Variants in SEC23IP observed in about 807,000 individuals in gnomAD.
SEC23IP encodes SEC23 interacting protein.
A neutral mutation model predicts 113.4 loss-of-function variants in SEC23IP; 70 were observed. The observed-to-expected ratio is 0.62, with a 90% CI of 0.51 to 0.75. The LOEUF (loss-of-function observed/expected upper bound fraction) is 0.75. Ranked by LOEUF, SEC23IP falls within the 30% of genes least tolerant of loss-of-function variation. The pLI is 0.00. For missense variants in SEC23IP, 1,160 were observed against 1,204.9 expected (o/e 0.96, Z 0.55); for synonymous variants, 398 against 421.0 (o/e 0.95, Z 0.67).
At chr10:119,920,297 C>G (rs534241186) in intron 11 of SEC23IP, among the ~76,000 whole-genome samples, 76 of 152,304 alleles carry the variant, frequency 5.0e-4, no homozygotes, top group African/African-American at 1.8e-3. Flanking sequence ...TACAAGGATA[C>G]TCACAGCAGT....
rs973256253 is a variant in SEC23IP at position 119,917,654 on chromosome 10, C to T, written c.1545-182C>T. ...TCAGCCTCCCAAAGTGCTGGGATTA[C>T]AGGTGTGAGCCACCGCATCTGGCCT... On this transcript the variant is annotated intron_variant, in intron 8 of 18. Transcript: ENST00000369075. 2.0e-5 allele frequency among the ~76,000 whole-genome samples: 3 copies of T among 152,198 alleles called. No individual in the cohort carries two copies. In the East Asian group the frequency reaches 5.8e-4, roughly 29 times the overall value.
At chr10:119,925,246 T>C (rs1401370744) in intron 12 of SEC23IP, among the ~76,000 whole-genome samples, 2 of 151,416 alleles carry the variant, frequency 1.3e-5, no homozygotes, top group Non-Finnish European at 2.9e-5. Context: ...TCTAGTTAAC[T>C]CCTCCTACCA....
At chr10:119,918,273 A>C in intron 9 of SEC23IP, 120 bp from the exon 10 acceptor site, 1 of 694,816 alleles carries the variant, frequency 1.4e-6, no homozygotes. Context: ...AAAATAATTA[A>C]TTATCAGGTC....
intron 1 of SEC23IP, 82 bp downstream of exon 1, chr10:119,893,027 C>T (rs1854144587): frequency 6.1e-6 from 9 of 1,470,786 alleles, no homozygotes; most frequent in South Asian, 5.1e-5. Flanking sequence ...GGAGTTTTTC[C>T]TTCTGCCTCG....
intron 12 of SEC23IP, among the ~76,000 whole-genome samples, chr10:119,922,755 G>A (rs1335647474): frequency 2.0e-5 from 3 of 152,142 alleles, no homozygotes; most frequent in Non-Finnish European, 4.4e-5. Context: ...CAGTTAAGAG[G>A]TATCTTTCAT....
In SEC23IP at chr10:119,912,087, G is replaced by T. The variant is rs1206028892; in HGVS notation, c.1235G>T (p.Gly412Val). The change falls in exon 6 of 19, where the codon GGC becomes GTC. Residue 412 changes from glycine to valine, a missense_variant. By Grantham distance (109) the Gly-to-Val change is moderately radical. Transcript: ENST00000369075. ...CCCTCCTCAGTGCCAGATGAATGGG[G>T]CACCACGCAAGATGGACAGACAAGG... is the stretch of plus-strand genomic sequence containing the variant. ...FQPSSVPDEW[G>V]TTQDGQTRPR... is the part of the protein sequence containing the mutation. 6.2e-7 allele frequency: 1 copy of T among 1,613,976 alleles called. No individual in the cohort carries two copies. The highest frequency in any genetic ancestry group is 8.5e-7 in the Non-Finnish European group (1 of 1,179,984).
At chr10:119,911,996 A>C in intron 5 of SEC23IP, 48 bp from the exon 6 acceptor site, 1 of 1,609,868 alleles carries the variant, frequency 6.2e-7, no homozygotes, top group Non-Finnish European at 8.5e-7. Context: ...CCTGTAGTGG[A>C]AAAGAATTTG....
intron 1 of SEC23IP, 57 bp from the exon 2 acceptor site, chr10:119,898,370 G>T (rs978726843): frequency 6.7e-7 from 1 of 1,492,594 alleles, no homozygotes; most frequent in Non-Finnish European, 8.9e-7. Flanking sequence ...TTATAGAATC[G>T]TATCTGCGGA....
chr10:119,916,241 G>A (rs1855049105), intron 8 of SEC23IP, among the ~76,000 whole-genome samples: 1 of 152,066 alleles, frequency 6.6e-6, no homozygotes, highest in Admixed American at 6.5e-5. Flanking sequence ...TCCCCTGGAG[G>A]GTAAAAATCA....
At position 119,933,682 on chromosome 10, in the gene SEC23IP, A is replaced by G. The variant is rs58111481; in HGVS notation, c.2922-4A>G. The G allele has an allele frequency of 6.7e-7, 1 of 1,493,684 alleles. No homozygotes were observed. The highest frequency in any genetic ancestry group is 9.3e-7 in the Non-Finnish European group (1 of 1,071,880). 92.5% of individuals were successfully genotyped at this position (1,493,684 alleles called of 1,614,324 possible). ...TTAAGTAAATATGCTTTTCCTTTTC[A>G]TAGGGAATCTGAAGATACTGCTCTG... is the stretch of plus-strand genomic sequence containing the variant. On this transcript the variant is annotated splice_region_variant and splice_polypyrimidine_tract_variant and intron_variant, in intron 17 of 18. Transcript: ENST00000369075.
chr10:119,940,869 T>C lies in SEC23IP; in HGVS notation c.*304T>C, dbSNP rs1855944368. 6.6e-6 allele frequency: 1 copy of C among 152,256 alleles called. No homozygotes were observed. Among genetic ancestry groups the C allele is most frequent in the East Asian group, 1.9e-4 (1 of 5,202 alleles). The allele number at this position is 152,256 out of a possible 1,614,324, so 9.4% of individuals were successfully genotyped here. ...TTTAGTTGTATAGTTGTCAAAGTTA[T>C]ATGTGATATCAATGAAGAAATATTT... is the stretch of plus-strand genomic sequence containing the variant. On this transcript the variant is annotated 3_prime_UTR_variant, in exon 19 of 19. Transcript: ENST00000369075.
chr10:119,938,966 GT>G (rs1203453298), intron 18 of SEC23IP, among the ~76,000 whole-genome samples: 12 of 152,234 alleles, frequency 7.9e-5, no homozygotes, highest in African/African-American at 2.9e-4. Context: ...TTGCTGAATG[GT>G]TGTTTTATGT....
chr10:119,910,543 A>C (rs180991039), intron 5 of SEC23IP, among the ~76,000 whole-genome samples: 1 of 152,332 alleles, frequency 6.6e-6, no homozygotes, highest in Admixed American at 6.5e-5. Context: ...CTACTTCTAT[A>C]GTCCTTATTG....
chr10:119,930,696 A>G (rs967395244), intron 15 of SEC23IP, among the ~76,000 whole-genome samples: 3 of 152,192 alleles, frequency 2.0e-5, no homozygotes, highest in African/African-American at 7.2e-5. Context: ...TTAGATTTTG[A>G]TAGAGTTTGG....
chr10:119,898,676 C>A lies in SEC23IP; in HGVS notation c.413C>A (p.Ser138Ter). ...DVSNAFSPSI[S>*]KAQPGAPPSS... ...TCGAATGCATTTTCACCATCCATTT[C>A]GAAGGCTCAACCTGGTGCTCCACCT... Residue 138 changes from serine to a stop codon, truncating the protein, a stop_gained, in exon 2 of 19, where the codon TCG becomes TAG. Coordinates refer to ENST00000369075, the MANE Select transcript of SEC23IP (RefSeq NM_007190.4). LOFTEE classifies it high-confidence loss of function. 9 of 1,614,194 alleles carry A rather than the reference C, an allele frequency of 5.6e-6. No homozygotes were observed. The highest frequency in any genetic ancestry group is 7.6e-6 in the Non-Finnish European group (9 of 1,180,026).
intron 13 of SEC23IP, among the ~76,000 whole-genome samples, chr10:119,927,442 G>A (rs144647821): frequency 2.8e-4 from 42 of 152,240 alleles, no homozygotes; most frequent in African/African-American, 8.7e-4. Context: ...GAATCCTTTC[G>A]TGTTTCTTCG....
At chr10:119,923,913 C>T (rs1215677443) in intron 12 of SEC23IP, among the ~76,000 whole-genome samples, 1 of 152,192 alleles carries the variant, frequency 6.6e-6, no homozygotes, top group East Asian at 1.9e-4. Flanking sequence ...TTTAACAAAG[C>T]AACTCTTGGC....
At chr10:119,936,533 G>A (rs1046888573) in intron 18 of SEC23IP, among the ~76,000 whole-genome samples, 4 of 109,394 alleles carry the variant, frequency 3.7e-5, no homozygotes, top group Non-Finnish European at 6.8e-5. Context: ...AACAGCATGC[G>A]ATTCCGTCTC....
Position 119,914,942 on chromosome 10 carries a change from A to G in SEC23IP, c.1402+123A>G. The G allele has an allele frequency of 3.6e-6, 3 of 839,850 alleles. No individual in the cohort carries two copies. In the South Asian group the frequency reaches 4.8e-5, roughly 13 times the overall value. 52.0% of individuals were successfully genotyped at this position (839,850 alleles called of 1,614,324 possible). A position where few individuals can be genotyped will look rare whatever the true frequency, so the allele number is the denominator to read the frequency against. The stretch of plus-strand genomic sequence containing the variant: ...CTTGCTGAGGAGTCTGTAAGAGGAA[A>G]TTTAAATGGTCAGTGGGAAATACTA... On this transcript the variant is annotated intron_variant, in intron 7 of 18. Transcript: ENST00000369075.
Sources: allele counts gnomAD v4.1 joint callset (sites outside exome capture counted in the v4.1 genomes callset), GRCh38; gene constraint gnomAD v4.1.1; transcripts MANE v1.5; gene names NCBI Gene and HGNC (gene_info 2026-07-23, HGNC 2026-07-21).